The following LRRC4C variants were observed in gnomAD, a reference collection of about 807,000 sequenced individuals.
LRRC4C encodes leucine rich repeat containing 4C, also known as leucine-rich repeat-containing protein 4C.
LRRC4C carries 5 observed loss-of-function variants against 33.6 expected under a neutral mutation model. The ratio of observed to expected loss-of-function variants is 0.15; its 90% CI spans 0.08 to 0.31. The LOEUF is 0.31. Among genes scored for constraint, LRRC4C ranks in the 10% least tolerant of loss-of-function variants. The pLI is 1.00. For missense variants in LRRC4C, 560 were observed against 796.7 expected, an observed-to-expected ratio of 0.70 and a Z score of 3.58; for synonymous variants, 329 against 302.0, an observed-to-expected ratio of 1.09 and a Z score of -0.93.
chr11:40,259,267 T>C (rs1867480128), intron 4 of LRRC4C, among the ~76,000 whole-genome samples: 1 of 151,864 alleles, frequency 6.6e-6, no homozygotes, highest in Non-Finnish European at 1.5e-5. Context: ...TGTTTGTTTT[T>C]TTCTTGTAAA....
At chr11:41,117,986 G>A (rs1942226755) in intron 1 of LRRC4C, among the ~76,000 whole-genome samples, 1 of 152,074 alleles carries the variant, frequency 6.6e-6, no homozygotes, top group South Asian at 2.1e-4. Flanking sequence ...TGTTAAAGGT[G>A]ACTGACCTAA....
At chr11:41,210,099 A>G (rs1318476063) in intron 1 of LRRC4C, among the ~76,000 whole-genome samples, 3 of 152,188 alleles carry the variant, frequency 2.0e-5, no homozygotes, top group African/African-American at 7.2e-5. Flanking sequence ...TTTGATTTCC[A>G]GCCTCCAGAA....
At chr11:40,789,713 A>G (rs1950553156) in intron 2 of LRRC4C, among the ~76,000 whole-genome samples, 1 of 152,226 alleles carries the variant, frequency 6.6e-6, no homozygotes, top group African/African-American at 2.4e-5. Context: ...AAATAAACCA[A>G]ATAGTTTGCT....
intron 2 of LRRC4C, among the ~76,000 whole-genome samples, chr11:40,830,479 G>T: frequency 6.6e-6 from 1 of 152,120 alleles, no homozygotes; most frequent in Non-Finnish European, 1.5e-5. Flanking sequence ...TGAACAAAGA[G>T]TAAGTGGTTA....
chr11:41,081,516 TCTCTC>T (rs1389545685), intron 1 of LRRC4C, among the ~76,000 whole-genome samples: 1 of 152,068 alleles, frequency 6.6e-6, no homozygotes, highest in Non-Finnish European at 1.5e-5. Flanking sequence ...CTGCTAAACT[TCTCTC>T]CTTCTCTTTC....
intron 3 of LRRC4C, among the ~76,000 whole-genome samples, chr11:40,424,549 G>A (rs757153036): frequency 7.2e-5 from 11 of 152,184 alleles, no homozygotes; most frequent in Middle Eastern, 6.8e-3. Flanking sequence ...ATATGTATGC[G>A]CAGGGATTTC....
Position 40,120,913 on chromosome 11 carries a change from C to T in LRRC4C, c.-42-4579G>A, listed in dbSNP as rs183373794. Among the ~76,000 whole-genome samples, 359 of 152,242 alleles carry T rather than the reference C, an allele frequency of 2.4e-3. 4 individuals carry two copies. The highest frequency in any genetic ancestry group is 8.4e-3 in the African/African-American group (347 of 41,546). ...AGAAAGTTACTTCACCTCTCTATACCTTACTTTCCCCATCTGTGAAAGAAC... is the reference window on the plus strand; with the variant it reads ...AGAAAGTTACTTCACCTCTCTATACTTTACTTTCCCCATCTGTGAAAGAAC... On this transcript the variant is annotated intron_variant, in intron 6 of 6. Coordinates refer to ENST00000528697, the MANE Select transcript of LRRC4C (RefSeq NM_001258419.2).
At chr11:41,425,572 T>A (rs2138366069) in intron 1 of LRRC4C, among the ~76,000 whole-genome samples, 1 of 152,258 alleles carries the variant, frequency 6.6e-6, no homozygotes, top group South Asian at 2.1e-4. Flanking sequence ...CCATAAGGCA[T>A]TTTACACATC....
intron 1 of LRRC4C, among the ~76,000 whole-genome samples, chr11:41,055,016 C>G (rs570595273): frequency 1.3e-5 from 2 of 152,306 alleles, no homozygotes; most frequent in Middle Eastern, 6.8e-3. Flanking sequence ...AAAGTGAACA[C>G]TTCCGTGTAA....
intron 1 of LRRC4C, among the ~76,000 whole-genome samples, chr11:41,152,491 G>T (rs565205917): frequency 1.6e-4 from 24 of 152,216 alleles, no homozygotes; most frequent in African/African-American, 5.8e-4. Flanking sequence ...TTGAATCAGT[G>T]GGAGGCATTA....
At chr11:41,156,819 C>A (rs146709633) in intron 1 of LRRC4C, among the ~76,000 whole-genome samples, 11 of 152,106 alleles carry the variant, frequency 7.2e-5, no homozygotes, top group Non-Finnish European at 1.6e-4. Flanking sequence ...ATTAGCCAGG[C>A]AGATATCTGG....
chr11:40,128,864 G>A (rs116970099), intron 6 of LRRC4C, among the ~76,000 whole-genome samples: 4 of 152,120 alleles, frequency 2.6e-5, no homozygotes, highest in African/African-American at 9.6e-5. Flanking sequence ...AGTTCTTTTT[G>A]ATTACCTGGC....
At chr11:41,022,445 T>C (rs1406558448) in intron 1 of LRRC4C, among the ~76,000 whole-genome samples, 2 of 151,940 alleles carry the variant, frequency 1.3e-5, no homozygotes, top group Non-Finnish European at 2.9e-5. Context: ...TTGAGCTAGC[T>C]GGACTATGTG....
At chr11:40,716,952 T>C (rs1946756732) in intron 2 of LRRC4C, among the ~76,000 whole-genome samples, 1 of 152,134 alleles carries the variant, frequency 6.6e-6, no homozygotes, top group Non-Finnish European at 1.5e-5. Flanking sequence ...ACTTGAAGGT[T>C]GCTGCCAATC....
At chr11:41,308,305 T>C (rs921861629) in intron 1 of LRRC4C, among the ~76,000 whole-genome samples, 2 of 115,536 alleles carry the variant, frequency 1.7e-5, no homozygotes, top group Admixed American at 8.2e-5. Flanking sequence ...TGGTGAAAGA[T>C]TTTTTTTTGC....
At chr11:40,603,284 G>A (rs1295301100) in intron 3 of LRRC4C, among the ~76,000 whole-genome samples, 1 of 152,198 alleles carries the variant, frequency 6.6e-6, no homozygotes, top group Non-Finnish European at 1.5e-5. Flanking sequence ...CAAGATTGAT[G>A]TGTGAGTTGA....
intron 1 of LRRC4C, among the ~76,000 whole-genome samples, chr11:41,154,232 A>G (rs967480134): frequency 6.6e-6 from 1 of 152,136 alleles, no homozygotes; most frequent in Non-Finnish European, 1.5e-5. Flanking sequence ...TACAGTACTT[A>G]TTGGATACTA....
At chr11:41,127,440 A>C (rs542050538) in intron 1 of LRRC4C, among the ~76,000 whole-genome samples, 7 of 152,210 alleles carry the variant, frequency 4.6e-5, no homozygotes, top group African/African-American at 1.7e-4. Flanking sequence ...TTCATAGTTA[A>C]AATAAAGTCT....
Position 40,120,315 on chromosome 11 carries a change from G to C in LRRC4C, c.-42-3981C>G, listed in dbSNP as rs187507155. Among the ~76,000 whole-genome samples, 245 of 152,262 alleles carry C rather than the reference G, an allele frequency of 1.6e-3. 1 individual carries two copies. Among genetic ancestry groups the C allele is most frequent in the Middle Eastern group, 0.01 (3 of 294 alleles). ...TTTATATCATGACAACAATGTGGTT[G>C]GTAGGTTTCACAACCTAAGTCAGAT... is the stretch of plus-strand genomic sequence containing the variant. On this transcript the variant is annotated intron_variant, in intron 6 of 6. Coordinates refer to ENST00000528697, the MANE Select transcript of LRRC4C (RefSeq NM_001258419.2).
Sources: gnomAD v4.1 joint callset for allele counts (sites outside exome capture counted in the v4.1 genomes callset) on GRCh38, gnomAD v4.1.1 for gene constraint, MANE v1.5 for transcripts, NCBI Gene and HGNC (gene_info 2026-07-23, HGNC 2026-07-21) for gene names.